ALOX5: variants seen among roughly 807,000 people sequenced by gnomAD.
ALOX5 encodes polyunsaturated fatty acid 5-lipoxygenase.
In ALOX5, 64 loss-of-function variants were observed where a neutral mutation model predicts 87.9. The ratio of observed to expected loss-of-function variants is 0.73; its 90% CI spans 0.60 to 0.90. The LOEUF (loss-of-function observed/expected upper bound fraction) is 0.90, where lower values mean the gene tolerates loss of function less well. Among genes scored for constraint, ALOX5 ranks in the 40% least tolerant of loss-of-function variants. The pLI is 0.00. For missense variants in ALOX5, 822 were observed against 907.5 expected (o/e 0.91, Z 1.21); for synonymous variants, 388 against 355.1 (o/e 1.09, Z -1.04).
chr10:45,421,954 A>G (rs758077114), intron 4 of ALOX5, among the ~76,000 whole-genome samples: 3 of 152,138 alleles, frequency 2.0e-5, no homozygotes, highest in Non-Finnish European at 2.9e-5. Context: ...AAAAGACAGT[A>G]CTCACAAAGG....
chr10:45,404,791 A>G (rs1840820519), intron 3 of ALOX5, among the ~76,000 whole-genome samples: 1 of 152,204 alleles, frequency 6.6e-6, no homozygotes, highest in African/African-American at 2.4e-5. Context: ...GGAATATTCC[A>G]AGAAGTAGAG....
intron 4 of ALOX5, among the ~76,000 whole-genome samples, chr10:45,419,296 G>A (rs12264801): frequency 0.45 from 68,438 of 151,344 alleles, 15,729 homozygotes; most frequent in Admixed American, 0.5. Context: ...AGAAAGCGGG[G>A]CACCCGGCCG....
chr10:45,395,470 G>A (rs1399152992), intron 2 of ALOX5, among the ~76,000 whole-genome samples: 1 of 152,184 alleles, frequency 6.6e-6, no homozygotes, highest in East Asian at 1.9e-4. Flanking sequence ...GTGGGGGTAA[G>A]GGGGAGGGAT....
intron 6 of ALOX5, among the ~76,000 whole-genome samples, chr10:45,427,295 C>A (rs928260609): frequency 6.6e-6 from 1 of 152,194 alleles, no homozygotes; most frequent in Non-Finnish European, 1.5e-5. Context: ...GCTATCCAGC[C>A]ATAGTCCTAG....
At chr10:45,394,261 A>G (rs1391816828) in intron 2 of ALOX5, among the ~76,000 whole-genome samples, 1 of 152,236 alleles carries the variant, frequency 6.6e-6, no homozygotes. Flanking sequence ...ACAGAGATAT[A>G]GACCAATGGA....
intron 2 of ALOX5, among the ~76,000 whole-genome samples, chr10:45,392,387 C>T (rs1282713576): frequency 6.6e-6 from 1 of 151,598 alleles, no homozygotes; most frequent in Non-Finnish European, 1.5e-5. Context: ...GCCTTGGGAT[C>T]CTGTTGATCT....
intron 1 of ALOX5, among the ~76,000 whole-genome samples, chr10:45,377,344 T>A (rs2132664611): frequency 6.9e-6 from 1 of 144,770 alleles, no homozygotes; most frequent in African/African-American, 2.6e-5. Flanking sequence ...TTCTGCCCCC[T>A]CTTCTGCCTC....
intron 4 of ALOX5, among the ~76,000 whole-genome samples, chr10:45,418,838 G>C (rs926200717): frequency 1.3e-5 from 2 of 152,234 alleles, no homozygotes; most frequent in Admixed American, 6.5e-5. Context: ...CGATTGCAGG[G>C]GGTGGCAGGG....
In ALOX5 at chr10:45,382,617, CATCGAGTTCCCCTGCTACCGCTGG is replaced by C. The variant is rs1173631783; in HGVS notation, c.289_312del (p.Glu97_Ile104del). ...CGCTGAAGACGCCCCACGGGGACTA[CATCGAGTTCCCCTGCTACCGCTGG>C]ATCACCGGCGATGTCGAGGTTGTCC... On this transcript the variant is annotated inframe_deletion, in exon 2 of 14. Coordinates refer to ENST00000374391, the MANE Select transcript of ALOX5 (RefSeq NM_000698.5). The C allele has an allele frequency of 3.7e-6, 6 of 1,614,158 alleles. No homozygotes were observed. Among genetic ancestry groups the C allele is most frequent in the Non-Finnish European group, 5.1e-6 (6 of 1,180,030 alleles).
chr10:45,397,302 C>T (rs942185573), intron 3 of ALOX5, among the ~76,000 whole-genome samples: 5 of 152,180 alleles, frequency 3.3e-5, no homozygotes, highest in East Asian at 3.8e-4. Context: ...ATCACTTGAA[C>T]CCAGAAGGCG....
intron 13 of ALOX5, 35 bp downstream of exon 13, chr10:45,444,321 C>A: frequency 6.5e-7 from 1 of 1,530,122 alleles, no homozygotes; most frequent in South Asian, 1.2e-5. Flanking sequence ...AGCCCCAGGT[C>A]ACCCCAGGTT....
At chr10:45,417,401 A>C (rs1399384501) in intron 4 of ALOX5, among the ~76,000 whole-genome samples, 1 of 152,150 alleles carries the variant, frequency 6.6e-6, no homozygotes, top group Non-Finnish European at 1.5e-5. Context: ...GATTAAGAAC[A>C]CTGGCCTGTA....
Position 45,443,964 on chromosome 10 carries a change from C to T in ALOX5, c.1674+136C>T, listed in dbSNP as rs1842341956. On this transcript the variant is annotated intron_variant, in intron 12 of 13. Transcript: ENST00000374391. ...ACGGGACTTGCAGGATGGATTCTGC[C>T]CGCTCAGCCAAGGGCGCTGGCCGCG... 3.5e-6 allele frequency: 5 copies of T among 1,433,816 alleles called. No homozygotes were observed. The African/African-American group carries it at 4.3e-5, about 12-fold the overall frequency. 88.8% of individuals were successfully genotyped at this position (1,433,816 alleles called of 1,614,324 possible). A position where few individuals can be genotyped will look rare whatever the true frequency, so the allele number is the denominator to read the frequency against.
rs1473902767 is a variant in ALOX5 at position 45,445,533 on chromosome 10, A to T, written c.1871A>T (p.Glu624Val). ...NELFLGMYPE[E>V]HFIEKPVKEA... is the part of the protein sequence containing the mutation. ...CTGTTCCTGGGCATGTACCCAGAAG[A>T]GCATTTTATCGAGAAGCCTGTGAAG... The change falls in exon 14 of 14, where the codon GAG becomes GTG. Residue 624 changes from glutamate (E) to valine (V), a missense_variant. Coordinates refer to ENST00000374391, the MANE Select transcript of ALOX5 (RefSeq NM_000698.5). 6.2e-7 allele frequency: 1 copy of T among 1,614,004 alleles called. No homozygotes were observed. The highest frequency in any genetic ancestry group is 8.5e-7 in the Non-Finnish European group (1 of 1,180,000).
intron 4 of ALOX5, among the ~76,000 whole-genome samples, chr10:45,412,722 G>C (rs1033885828): frequency 6.6e-6 from 1 of 152,170 alleles, no homozygotes; most frequent in Non-Finnish European, 1.5e-5. Context: ...TATGTCCCCT[G>C]TTCCTCCGTC....
chr10:45,445,750 T>A lies in ALOX5; in HGVS notation c.*63T>A. The A allele has an allele frequency of 1.3e-6, 2 of 1,545,046 alleles. No homozygotes were observed. The highest frequency in any genetic ancestry group is 1.8e-6 in the Non-Finnish European group (2 of 1,130,598). On this transcript the variant is annotated 3_prime_UTR_variant, in exon 14 of 14. Transcript: ENST00000374391. The stretch of plus-strand genomic sequence containing the variant: ...CCAGCCAGATGGACTCCAGCCTGCC[T>A]GGCAGGCTGTCTGGCCAGGCCTCTT...
chr10:45,414,186 C>A (rs1438693916), intron 4 of ALOX5, among the ~76,000 whole-genome samples: 1 of 152,112 alleles, frequency 6.6e-6, no homozygotes, highest in African/African-American at 2.4e-5. Flanking sequence ...GACTTCAAAC[C>A]ATACTACGAG....
Position 45,412,248 on chromosome 10 carries a change from T to C in ALOX5, c.489T>C (p.Asp163=), listed in dbSNP as rs1322989516. Residue 163 remains aspartate (D), a synonymous_variant, in exon 4 of 14, where the codon GAT becomes GAC. Coordinates refer to ENST00000374391, the MANE Select transcript of ALOX5 (RefSeq NM_000698.5). ...PLSIDAKCHK[D]LPRDIQFDSE... Reference sequence around the variant, plus strand: ...GCATCGATGCCAAATGCCACAAGGATTTACCCCGTGATATCCAGTTTGATA... The same window carrying C: ...GCATCGATGCCAAATGCCACAAGGACTTACCCCGTGATATCCAGTTTGATA... The C allele has an allele frequency of 6.2e-7, 1 of 1,614,094 alleles. No individual in the cohort carries two copies. The highest frequency in any genetic ancestry group is 2.2e-5 in the East Asian group (1 of 44,866).
chr10:45,443,847 G>A lies in ALOX5; in HGVS notation c.1674+19G>A. The A allele has an allele frequency of 6.3e-7, 1 of 1,579,156 alleles. No individual in the cohort carries two copies. The highest frequency in any genetic ancestry group is 1.8e-4 in the Middle Eastern group (1 of 5,638). ...CGGCCAGGTAGGCAGGGCCGGGCCC[G>A]CTGGGCAGGGCTCCCTTCTCAAGGC... On this transcript the variant is annotated intron_variant, in intron 12 of 13. Transcript: ENST00000374391.
Sources: allele counts gnomAD v4.1 joint callset (sites outside exome capture counted in the v4.1 genomes callset), GRCh38; gene constraint gnomAD v4.1.1; transcripts MANE v1.5; gene names NCBI Gene and HGNC (gene_info 2026-07-23, HGNC 2026-07-21).